Variants in PSMB8 observed in about 807,000 individuals in gnomAD.
PSMB8 encodes proteasome subunit beta type-8.
A neutral mutation model predicts 32.3 loss-of-function variants in PSMB8; 20 were observed. The ratio of observed to expected loss-of-function variants is 0.62; its 90% confidence interval spans 0.44 to 0.90. The LOEUF is 0.90. Among genes scored for constraint, PSMB8 ranks in the 40% least tolerant of loss-of-function variants. The pLI is 0.00. For missense variants in PSMB8, 342 were observed against 365.4 expected (o/e 0.94, Z 0.52); for synonymous variants, 131 against 135.4 (o/e 0.97, Z 0.23).
Position 32,843,896 on chromosome 6 carries a change from C to T in PSMB8, c.101G>A (p.Ser34Asn). Residue 34 changes from serine to asparagine, a missense_variant, in exon 1 of 6, where the codon AGT becomes AAT. Ser to Asn is a conservative substitution (Grantham distance 46). Coordinates refer to ENST00000374882, the MANE Select transcript of PSMB8 (RefSeq NM_148919.4). ...SGRRSDPGHY[S>N]FSMRSPELAL... The stretch of plus-strand genomic sequence containing the variant: ...GAGCTCTGGAGATCGCATAGAGAAA[C>T]TGTAGTGTCCTGGGTCCGAGCGACG... 6.2e-7 allele frequency: 1 copy of T among 1,612,864 alleles called. No individual in the cohort carries two copies. The highest frequency in any genetic ancestry group is 2.2e-5 in the East Asian group (1 of 44,880).
Position 32,842,918 on chromosome 6 carries a change from G to T in PSMB8, c.295+24C>A, listed in dbSNP as rs530335372. 6.1e-5 allele frequency: 99 copies of T among 1,613,848 alleles called. No homozygotes were observed. In the South Asian group the frequency reaches 1.0e-3, roughly 17 times the overall value. ...AGGAGAGCCCAGCTCCCCAGATTCT[G>T]CCTGCTGGAGCGTATACACTCACTA... On this transcript the variant is annotated intron_variant, in intron 2 of 5. Coordinates refer to ENST00000374882, the MANE Select transcript of PSMB8 (RefSeq NM_148919.4).
chr6:32,840,769 C>G lies in PSMB8; in HGVS notation c.*190G>C, dbSNP rs1299948640. 9 of 615,240 alleles carry G rather than the reference C, an allele frequency of 1.5e-5. No homozygotes were observed. Among genetic ancestry groups the G allele is most frequent in the Non-Finnish European group, 2.3e-5 (8 of 344,810 alleles). 38.1% of individuals were successfully genotyped at this position (615,240 alleles called of 1,614,324 possible). ...CTTAGTGGGGCACCCAGAAACTTCC[C>G]TGGGGGAAATGCTTGTTCAAATAGA... On this transcript the variant is annotated 3_prime_UTR_variant, in exon 6 of 6. Transcript: ENST00000374882.
intron 1 of PSMB8, 150 bp from the exon 2 acceptor site, chr6:32,843,239 G>A (rs1374699482): frequency 2.2e-6 from 2 of 923,898 alleles, no homozygotes; most frequent in African/African-American, 1.6e-5. Flanking sequence ...ATCTCTAGAA[G>A]GAAATGGCTT....
intron 3 of PSMB8, 115 bp from the exon 4 acceptor site, chr6:32,842,378 G>T: frequency 7.2e-7 from 1 of 1,379,546 alleles, no homozygotes; most frequent in East Asian, 2.3e-5. Flanking sequence ...AGGATCTAAA[G>T]ATCAGAGAAA....
rs1431336184 is a variant in PSMB8 at position 32,841,763 on chromosome 6, A to C, written c.538-28T>G. On this transcript the variant is annotated intron_variant, in intron 4 of 5. Coordinates refer to ENST00000374882, the MANE Select transcript of PSMB8 (RefSeq NM_148919.4). Reference sequence around the variant, plus strand: ...ATAAGATGAAAGATTTCAGGCTGAAATTGGAGAGGAAGATGTTGGTAACAT... The same window carrying C: ...ATAAGATGAAAGATTTCAGGCTGAACTTGGAGAGGAAGATGTTGGTAACAT... 2 of 1,599,542 alleles carry C rather than the reference A, an allele frequency of 1.3e-6. 1 individual carries two copies. Among genetic ancestry groups the C allele is most frequent in the African/African-American group, 2.7e-5 (2 of 74,630 alleles).
At position 32,841,769 on chromosome 6, in the gene PSMB8, G is replaced by A. The variant is rs1455774416; in HGVS notation, c.538-34C>T. The A allele has an allele frequency of 5.0e-6, 8 of 1,592,076 alleles. No homozygotes were observed. The African/African-American group carries it at 6.7e-5, about 13-fold the overall frequency. ...TGAAAGATTTCAGGCTGAAATTGGA[G>A]AGGAAGATGTTGGTAACATGGGGGT... On this transcript the variant is annotated intron_variant, in intron 4 of 5. Coordinates refer to ENST00000374882, the MANE Select transcript of PSMB8 (RefSeq NM_148919.4).
At chr6:32,842,374 T>G in intron 3 of PSMB8, 111 bp from the exon 4 acceptor site, 3 of 1,399,358 alleles carry the variant, frequency 2.1e-6, no homozygotes, top group Non-Finnish European at 3.0e-6. Flanking sequence ...TTGTAGGATC[T>G]AAAGATCAGA....
chr6:32,840,963 T>C lies in PSMB8; in HGVS notation c.827A>G (p.Gln276Arg). 1 of 1,612,448 alleles carries C rather than the reference T, an allele frequency of 6.2e-7. No homozygotes were observed. Among genetic ancestry groups the C allele is most frequent in the Non-Finnish European group, 8.5e-7 (1 of 1,178,474 alleles). Residue 276 changes from glutamine (Q) to arginine (R), a missense_variant, in exon 6 of 6, where the codon CAA becomes CGA. Coordinates refer to ENST00000374882, the MANE Select transcript of PSMB8 (RefSeq NM_148919.4). ...GCCCAGCTGCCACCACCACCATTAT[T>C]GATTGGCTTCCCGGTACTGGTGCAG... ...DLLHQYREAN[Q>R] is the part of the protein sequence containing the mutation.
intron 4 of PSMB8, 98 bp downstream of exon 4, chr6:32,842,036 G>T: frequency 1.9e-6 from 3 of 1,577,280 alleles, no homozygotes; most frequent in African/African-American, 1.3e-5. Flanking sequence ...TATATGCCAT[G>T]CATCTTGTCA....
Position 32,842,673 on chromosome 6 carries a change from T to C in PSMB8, c.406A>G (p.Arg136Gly). The C allele has an allele frequency of 1.2e-6, 2 of 1,613,068 alleles. No homozygotes were observed. The highest frequency in any genetic ancestry group is 1.3e-5 in the African/African-American group (1 of 75,032). Residue 136 changes from arginine to glycine, a missense_variant and splice_region_variant, in exon 3 of 6, where the codon AGG (arginine) becomes GGG (glycine). Coordinates refer to ENST00000374882, the MANE Select transcript of PSMB8 (RefSeq NM_148919.4). ...YWERLLAKEC[R>G]LYYLRNGERI... is the part of the protein sequence containing the mutation. ...AGGAAGATGAGAGGCCTCGCTTACC[T>C]GCATTCCTTGGCCAGCAGGCGCTCC...
At chr6:32,841,760 G>T in intron 4 of PSMB8, 25 bp from the exon 5 acceptor site, 1 of 1,602,136 alleles carries the variant, frequency 6.2e-7, no homozygotes, top group Non-Finnish European at 8.5e-7. Flanking sequence ...ATTTCAGGCT[G>T]AAATTGGAGA....
intron 5 of PSMB8, 105 bp downstream of exon 5, chr6:32,841,426 C>T (rs144509558): frequency 2.9e-4 from 344 of 1,192,562 alleles, no homozygotes; most frequent in Non-Finnish European, 4.1e-4. Flanking sequence ...TTAGTAGAGA[C>T]GGGGTTTCGC....
rs200137729 is a variant in PSMB8 at position 32,841,649 on chromosome 6, G to A, written c.624C>T (p.Tyr208=). The A allele has an allele frequency of 2.1e-5, 34 of 1,612,856 alleles. No homozygotes were observed. Among genetic ancestry groups the A allele is most frequent in the Middle Eastern group, 1.6e-4 (1 of 6,084 alleles). The change falls in exon 5 of 6, where the codon TAC becomes TAT. Residue 208 remains tyrosine, a synonymous_variant. Coordinates refer to ENST00000374882, the MANE Select transcript of PSMB8 (RefSeq NM_148919.4). ...GCCGATAGCCACTGTCCATGACCCCGTAGGCATAAGTGTTCCCACTACCCG... is the reference window on the plus strand; with the variant it reads ...GCCGATAGCCACTGTCCATGACCCCATAGGCATAAGTGTTCCCACTACCCG... ...FSTGSGNTYA[Y]GVMDSGYRPN...
At chr6:32,842,340 G>T in intron 3 of PSMB8, 77 bp from the exon 4 acceptor site, 1 of 1,532,684 alleles carries the variant, frequency 6.5e-7, no homozygotes, top group Non-Finnish European at 9.0e-7. Context: ...TGATTAAAGA[G>T]ATAAGCATTG....
Position 32,841,661 on chromosome 6 carries a change from G to T in PSMB8, c.612C>A (p.Asn204Lys). 1 of 1,612,940 alleles carries T rather than the reference G, an allele frequency of 6.2e-7. No homozygotes were observed. Among genetic ancestry groups the T allele is most frequent in the East Asian group, 2.2e-5 (1 of 44,882 alleles). The change falls in exon 5 of 6, where the codon AAC becomes AAA. Residue 204 changes from asparagine to lysine, a missense_variant. Coordinates refer to ENST00000374882, the MANE Select transcript of PSMB8 (RefSeq NM_148919.4). Reference sequence around the variant, plus strand: ...TGTCCATGACCCCGTAGGCATAAGTGTTCCCACTACCCGTGGAGAACATAT... The same window carrying T: ...TGTCCATGACCCCGTAGGCATAAGTTTTCCCACTACCCGTGGAGAACATAT... The part of the protein sequence containing the change: ...SGNMFSTGSG[N>K]TYAYGVMDSG...
upstream of PSMB8, chr6:32,844,192 T>A: frequency 6.4e-7 from 1 of 1,559,054 alleles, no homozygotes; most frequent in Non-Finnish European, 8.7e-7. Context: ...GTCGGGGGAA[T>A]GATGGGTCAA....
At chr6:32,841,468 A>C in intron 5 of PSMB8, 63 bp downstream of exon 5, 1 of 1,539,812 alleles carries the variant, frequency 6.5e-7, no homozygotes, top group East Asian at 2.2e-5. Flanking sequence ...TCAATCTTAA[A>C]TCACCCCCCC....
chr6:32,841,712 ATCCACGTAGTAGAGT>A lies in PSMB8; in HGVS notation c.546_560del (p.Leu183_Asp187del). 1 of 1,612,744 alleles carries A rather than the reference ATCCACGTAGTAGAGT, an allele frequency of 6.2e-7. No individual in the cohort carries two copies. Among genetic ancestry groups the A allele is most frequent in the Non-Finnish European group, 8.5e-7 (1 of 1,180,018 alleles). On this transcript the variant is annotated inframe_deletion, in exon 5 of 6. Coordinates refer to ENST00000374882, the MANE Select transcript of PSMB8 (RefSeq NM_148919.4). Reference sequence around the variant, plus strand: ...TTCCTGAGAGCCGAGTCCCATGTTCATCCACGTAGTAGAGTCCAGGACCCTATAAGATGAAAGATT... The same window carrying A: ...TTCCTGAGAGCCGAGTCCCATGTTCACCAGGACCCTATAAGATGAAAGATT...
chr6:32,842,173 GC>G lies in PSMB8; in HGVS notation c.497del (p.Gly166AlafsTer7). On this transcript the variant is annotated frameshift_variant, in exon 4 of 6. Transcript: ENST00000374882. LOFTEE classifies it high-confidence loss of function. ...SNMMCQYRGM[G>X]LSMGSMICGW... ...CACAGATCATACTGCCCATAGAGAGGCCCATGCCCCGGTACTGGCACATCAT... is the reference window on the plus strand; with the variant it reads ...CACAGATCATACTGCCCATAGAGAGGCCATGCCCCGGTACTGGCACATCAT... The G allele has an allele frequency of 6.2e-7, 1 of 1,613,144 alleles. No individual in the cohort carries two copies. The highest frequency in any genetic ancestry group is 8.5e-7 in the Non-Finnish European group (1 of 1,180,042).
Sources: allele counts gnomAD v4.1 joint callset, GRCh38; gene constraint gnomAD v4.1.1; transcripts MANE v1.5; gene names NCBI Gene and HGNC (gene_info 2026-07-23, HGNC 2026-07-21).